The following DOCK1 variants were observed in gnomAD, a reference collection of about 807,000 sequenced individuals.
DOCK1 encodes dedicator of cytokinesis 1, also known as dedicator of cytokinesis protein 1.
DOCK1 carries 138 observed loss-of-function variants against 262.7 expected under a neutral mutation model. The observed-to-expected ratio is 0.53, with a 90% CI of 0.46 to 0.61. The LOEUF (loss-of-function observed/expected upper bound fraction) is 0.61. DOCK1 is among the 20% of genes least tolerant of loss of function. The pLI is 0.00. For missense variants in DOCK1, 1,908 were observed against 2,370.7 expected, an observed-to-expected ratio of 0.80 and a Z score of 4.05; for synonymous variants, 866 against 867.4, an observed-to-expected ratio of 1.00 and a Z score of 0.03.
At chr10:127,411,470 C>T (rs2067842705) in intron 43 of DOCK1, among the ~76,000 whole-genome samples, 1 of 152,164 alleles carries the variant, frequency 6.6e-6, no homozygotes, top group Non-Finnish European at 1.5e-5. Flanking sequence ...TCCAGTGCAT[C>T]CAGGGATGTT....
At chr10:126,960,051 G>A (rs1006305010) in intron 1 of DOCK1, among the ~76,000 whole-genome samples, 3 of 152,270 alleles carry the variant, frequency 2.0e-5, no homozygotes, top group East Asian at 3.9e-4. Context: ...CAGGTGATCC[G>A]CCCGCTTGGG....
intron 27 of DOCK1, chr10:127,136,421 A>G (rs2050698468): frequency 6.6e-6 from 1 of 151,992 alleles, no homozygotes. Flanking sequence ...TGCTGGACAG[A>G]AACTTCAAGA....
At position 127,260,871 on chromosome 10, in the gene DOCK1, A is replaced by ATGTGTG. The variant is rs140171742; in HGVS notation, c.3044+3452_3044+3457dup. Among the ~76,000 whole-genome samples the ATGTGTG allele has an allele frequency of 1.9e-3, 136 of 72,620 alleles. 4 individuals carry two copies. The highest frequency in any genetic ancestry group is 5.0e-3 in the African/African-American group (79 of 15,814). The allele number at this position is 72,620 out of a possible 152,430, so 47.6% of individuals were successfully genotyped here. On this transcript the variant is annotated intron_variant, in intron 29 of 51. Coordinates refer to ENST00000623213, the MANE Select transcript of DOCK1 (RefSeq NM_001290223.2). Reference sequence around the variant, plus strand: ...TACCCGTGCTCATCTGTGTGTGTGCATGTGTGTGTGTGTGTACCCGTGCTC... The same window carrying ATGTGTG: ...TACCCGTGCTCATCTGTGTGTGTGCATGTGTGTGTGTGTGTGTGTGTACCCGTGCTC...
intron 28 of DOCK1, among the ~76,000 whole-genome samples, chr10:127,253,937 C>G (rs950277200): frequency 2.0e-5 from 3 of 150,192 alleles, no homozygotes; most frequent in African/African-American, 7.3e-5. Context: ...GTTGAAAGCA[C>G]GTTGGCATAT....
At chr10:127,408,049 C>T (rs768468001) in intron 40 of DOCK1, among the ~76,000 whole-genome samples, 4 of 151,854 alleles carry the variant, frequency 2.6e-5, no homozygotes, top group Non-Finnish European at 5.9e-5. Flanking sequence ...GTGTTGAAAT[C>T]GGGAAAAAAA....
intron 25 of DOCK1, among the ~76,000 whole-genome samples, chr10:127,116,896 C>T (rs1337238047): frequency 1.3e-5 from 2 of 152,142 alleles, no homozygotes; most frequent in African/African-American, 4.8e-5. Flanking sequence ...AGCTGTGAAC[C>T]CTGAAGACTG....
Position 127,439,243 on chromosome 10 carries a change from C to G in DOCK1, c.5259+18C>G. ...CGGAAACGGTAACCCGACAGGGTAT[C>G]TTTCCTCGCTCTGCGGTAGCTTCAG... On this transcript the variant is annotated intron_variant, in intron 49 of 51. Transcript: ENST00000623213. 6.3e-7 allele frequency: 1 copy of G among 1,597,290 alleles called. No homozygotes were observed. The highest frequency in any genetic ancestry group is 8.5e-7 in the Non-Finnish European group (1 of 1,171,808).
intron 16 of DOCK1, among the ~76,000 whole-genome samples, chr10:127,029,581 G>A (rs975151525): frequency 1.3e-5 from 2 of 152,196 alleles, no homozygotes; most frequent in Non-Finnish European, 2.9e-5. Context: ...TTGTTGGGTA[G>A]GGCGGCCTAG....
chr10:126,978,677 A>G (rs9732211), intron 3 of DOCK1, among the ~76,000 whole-genome samples: 82,138 of 151,988 alleles, frequency 0.54, 22,848 homozygotes, highest in African/African-American at 0.65. Context: ...CACGTTACCC[A>G]ATATGTTTTA....
At chr10:127,098,557 C>T (rs1350105922) in intron 23 of DOCK1, among the ~76,000 whole-genome samples, 1 of 152,112 alleles carries the variant, frequency 6.6e-6, no homozygotes, top group Non-Finnish European at 1.5e-5. Flanking sequence ...CCCTGTTGAT[C>T]ACCACTGTTT....
intron 27 of DOCK1, among the ~76,000 whole-genome samples, chr10:127,194,954 G>A (rs926343522): frequency 6.6e-6 from 1 of 152,190 alleles, no homozygotes; most frequent in African/African-American, 2.4e-5. Context: ...CAGCTCCCCA[G>A]CACAGACCAA....
At chr10:127,190,308 G>A (rs569896047) in intron 27 of DOCK1, among the ~76,000 whole-genome samples, 30 of 152,282 alleles carry the variant, frequency 2.0e-4, no homozygotes, top group African/African-American at 7.0e-4. Flanking sequence ...CCTGGAAGCC[G>A]TCTTCCTCTT....
chr10:127,344,572 A>G (rs1406765983), intron 31 of DOCK1: 2 of 152,224 alleles, frequency 1.3e-5, no homozygotes. Context: ...GGCCAACTCC[A>G]TGCTGCTAGC....
In DOCK1 at chr10:127,026,069, A is replaced by AAAAAAAAAAG. The variant is rs1256628730; in HGVS notation, c.1552-280_1552-279insAAAAAAGAAA. On this transcript the variant is annotated intron_variant, in intron 15 of 51. Coordinates refer to ENST00000623213, the MANE Select transcript of DOCK1 (RefSeq NM_001290223.2). ...AGCGAAACTCTGTATCAAAAAAAAA[A>AAAAAAAAAAG]AAAGAAAGAAAAAAGAATCTTAACA... 27 of 310,338 alleles carry AAAAAAAAAAG rather than the reference A, an allele frequency of 8.7e-5. 1 individual carries two copies. In the East Asian group the frequency reaches 1.1e-3, roughly 12 times the overall value. 19.2% of individuals were successfully genotyped at this position (310,338 alleles called of 1,614,324 possible).
At chr10:126,939,262 A>G (rs1393407012) in intron 1 of DOCK1, among the ~76,000 whole-genome samples, 1 of 152,170 alleles carries the variant, frequency 6.6e-6, no homozygotes, top group Non-Finnish European at 1.5e-5. Context: ...TCAAAGTCCC[A>G]CCATTTAAAA....
chr10:127,210,113 G>T (rs1049304070), intron 27 of DOCK1, among the ~76,000 whole-genome samples: 4 of 152,162 alleles, frequency 2.6e-5, no homozygotes, highest in African/African-American at 7.2e-5. Context: ...AATAAGAAAA[G>T]ATTTTTCTCC....
chr10:127,188,074 G>A (rs1385262851), intron 27 of DOCK1, among the ~76,000 whole-genome samples: 1 of 152,148 alleles, frequency 6.6e-6, no homozygotes, highest in Non-Finnish European at 1.5e-5. Context: ...GAATGTCACG[G>A]GGGAGCAGGG....
At chr10:127,424,971 G>A (rs1016565347) in intron 46 of DOCK1, among the ~76,000 whole-genome samples, 2 of 152,300 alleles carry the variant, frequency 1.3e-5, no homozygotes, top group African/African-American at 2.4e-5. Context: ...CATTTGATGC[G>A]TTGATTCATC....
chr10:126,977,915 T>C (rs983358186), intron 2 of DOCK1, 33 bp from the exon 3 acceptor site: 2 of 1,612,026 alleles, frequency 1.2e-6, no homozygotes, highest in African/African-American at 2.7e-5. Context: ...CATGTCTCTT[T>C]GTACTAACTG....
Sources: allele counts gnomAD v4.1 joint callset (sites outside exome capture counted in the v4.1 genomes callset), GRCh38; gene constraint gnomAD v4.1.1; transcripts MANE v1.5; gene names NCBI Gene and HGNC (gene_info 2026-07-23, HGNC 2026-07-21).